Variants in DNAH6 observed in about 807,000 individuals in gnomAD.
DNAH6 encodes the protein dynein axonemal heavy chain 6, also known as axonemal beta dynein heavy chain 6.
A neutral mutation model predicts 491.4 loss-of-function variants in DNAH6; 340 were observed. The ratio of observed to expected loss-of-function variants is 0.69; its 90% CI spans 0.63 to 0.76. The LOEUF (loss-of-function observed/expected upper bound fraction) is 0.76, where lower values mean the gene tolerates loss of function less well. Ranked by LOEUF, DNAH6 falls within the 30% of genes least tolerant of loss-of-function variation. The pLI is 0.00. For synonymous variants in DNAH6, 1,603 were observed against 1,686.1 expected, an observed-to-expected ratio of 0.95 and a Z score of 1.21; for missense variants, 4,443 against 4,972.2, an observed-to-expected ratio of 0.89 and a Z score of 3.20.
intron 4 of DNAH6, among the ~76,000 whole-genome samples, chr2:84,538,484 C>G (rs1159381): frequency 2.6e-4 from 40 of 152,216 alleles, no homozygotes; most frequent in African/African-American, 7.9e-4. Flanking sequence ...TATGGCGGAG[C>G]CTTCCCCCAA....
the DNAH6 span, among the ~76,000 whole-genome samples, chr2:84,468,183 G>T: frequency 2.6e-5 from 4 of 152,198 alleles, no homozygotes; most frequent in Non-Finnish European, 4.4e-5. Flanking sequence ...CAAAATATTT[G>T]ATTTAAGTGC....
intron 68 of DNAH6, among the ~76,000 whole-genome samples, chr2:84,790,907 C>G (rs1559044834): frequency 2.0e-5 from 3 of 152,130 alleles, no homozygotes; most frequent in Admixed American, 1.3e-4. Context: ...AACTTGTACA[C>G]AAGGCCGGGC....
At chr2:84,801,583 TAAAGA>T (rs1180007328) in intron 70 of DNAH6, among the ~76,000 whole-genome samples, 1 of 152,072 alleles carries the variant, frequency 6.6e-6, no homozygotes, top group East Asian at 1.9e-4. Context: ...TTAGCATTCT[TAAAGA>T]AAAGAAATTC....
intron 70 of DNAH6, among the ~76,000 whole-genome samples, chr2:84,804,121 G>A (rs972480289): frequency 3.3e-5 from 5 of 150,282 alleles, no homozygotes; most frequent in South Asian, 2.1e-4. Flanking sequence ...CAGAAGAATC[G>A]CTTGAGCCTG....
chr2:84,481,024 A>C, the DNAH6 span, among the ~76,000 whole-genome samples: 1,684 of 152,190 alleles, frequency 0.011, 29 homozygotes, highest in African/African-American at 0.039. Context: ...GCATCCTCAC[A>C]GTTCCATCCA....
Position 84,577,313 on chromosome 2 carries a change from G to A in DNAH6, c.1981G>A (p.Val661Ile), listed in dbSNP as rs1419765179. The change falls in exon 13 of 77, where the codon GTA becomes ATA. Residue 661 changes from valine (V) to isoleucine (I), a missense_variant. This residue lies in a region of DNAH6 where 2,977 missense variants were observed against 3,296.6 expected (regional missense o/e 0.90). Coordinates refer to ENST00000389394, the MANE Select transcript of DNAH6 (RefSeq NM_001370.2). ...EKYHKQHKDA[V>I]ALRPTRNVGL... The stretch of plus-strand genomic sequence containing the variant: ...ATATCACAAACAGCACAAGGACGCA[G>A]TAGCGCTCAGACCCACCAGAAATGT... 28 of 1,609,342 alleles carry A rather than the reference G, an allele frequency of 1.7e-5. No individual in the cohort carries two copies. The highest frequency in any genetic ancestry group is 2.3e-5 in the Non-Finnish European group (27 of 1,178,186).
chr2:84,686,357 TCA>T, intron 43 of DNAH6, 125 bp from the exon 44 acceptor site: 2 of 594,836 alleles, frequency 3.4e-6, no homozygotes, highest in Non-Finnish European at 3.0e-6. Flanking sequence ...CAGTATTCTC[TCA>T]GTTTTTATGT....
At chr2:84,672,256 A>T (rs1573436567) in intron 39 of DNAH6, 71 bp from the exon 40 acceptor site, 1 of 1,460,732 alleles carries the variant, frequency 6.8e-7, no homozygotes, top group East Asian at 2.5e-5. Flanking sequence ...CCAAAGTCAT[A>T]CCCTAGCTTT....
rs1477921688 is a variant in DNAH6, at chr2:84,672,423, G to A, written c.6551G>A (p.Arg2184Gln). ...YGSQPPIELL[R>Q]QYQDFGGFYD... Reference sequence around the variant, plus strand: ...TCTCAGCCTCCGATTGAATTACTTCGGCAGTATCAAGATTTTGGGGGATTT... The same window carrying A: ...TCTCAGCCTCCGATTGAATTACTTCAGCAGTATCAAGATTTTGGGGGATTT... The change falls in exon 40 of 77, where the codon CGG becomes CAG. Residue 2184 changes from arginine (R) to glutamine (Q), a missense_variant. By Grantham distance (43) the Arg-to-Gln change is conservative. Around this residue, in one of 3 missense-constraint regions of DNAH6, gnomAD observed 2,977 missense variants for 3,296.6 expected, o/e 0.90. Transcript: ENST00000389394. The A allele has an allele frequency of 2.3e-5, 35 of 1,551,330 alleles. No homozygotes were observed. Among genetic ancestry groups the A allele is most frequent in the Middle Eastern group, 1.7e-4 (1 of 6,014 alleles).
intron 33 of DNAH6, among the ~76,000 whole-genome samples, chr2:84,652,610 A>G (rs537545928): frequency 1.0e-3 from 152 of 152,096 alleles, no homozygotes; most frequent in African/African-American, 3.6e-3. Flanking sequence ...CCTTTCTTAG[A>G]AAGACCGCCT....
chr2:84,606,856 G>A (rs993721541), intron 20 of DNAH6, 120 bp from the exon 21 acceptor site: 3 of 1,012,604 alleles, frequency 3.0e-6, no homozygotes, highest in Admixed American at 2.3e-5. Flanking sequence ...CAGTAAGAGG[G>A]GCTAAGCTAT....
intron 20 of DNAH6, among the ~76,000 whole-genome samples, chr2:84,605,868 G>A (rs1573194597): frequency 6.6e-6 from 1 of 152,246 alleles, no homozygotes. Context: ...AGTTACAGCT[G>A]AAGTGATCAG....
Position 84,733,560 on chromosome 2 carries a change from T to C in DNAH6, c.10323T>C (p.His3441=). ...FHGLTQNILS[H]PISIRLGSFE... ...GACTTACCCAAAATATATTGTCACA[T>C]CCTATTTCCATACGCTTAGGTAATG... The change falls in exon 62 of 77, where the codon CAT becomes CAC. Residue 3441 remains histidine, a synonymous_variant. Transcript: ENST00000389394. 6.4e-7 allele frequency: 1 copy of C among 1,551,662 alleles called. No individual in the cohort carries two copies. Among genetic ancestry groups the C allele is most frequent in the South Asian group, 1.2e-5 (1 of 84,052 alleles).
chr2:84,712,043 G>A (rs1697094497), intron 56 of DNAH6, among the ~76,000 whole-genome samples: 1 of 152,200 alleles, frequency 6.6e-6, no homozygotes, highest in African/African-American at 2.4e-5. Flanking sequence ...CAGGGCCCCA[G>A]CCAGGAACAG....
the DNAH6 span, among the ~76,000 whole-genome samples, chr2:84,485,622 T>G: frequency 6.6e-6 from 1 of 152,094 alleles, no homozygotes; most frequent in East Asian, 1.9e-4. Context: ...GTAAACATCC[T>G]TTCTGCTCGA....
intron 63 of DNAH6, among the ~76,000 whole-genome samples, chr2:84,760,163 A>G (rs1268817237): frequency 7.9e-5 from 12 of 152,152 alleles, no homozygotes; most frequent in Non-Finnish European, 1.5e-5. Context: ...ACAAAAACCA[A>G]CTAAAGATGA....
Position 84,573,382 on chromosome 2 carries a change from G to T in DNAH6, c.1804-85G>T, listed in dbSNP as rs1682088415. ...TATTGGGCATAGAGTTTGTGTGCTT[G>T]CTTGTTTCTTTGTTTAGTTGTATTG... On this transcript the variant is annotated intron_variant, in intron 11 of 76. Transcript: ENST00000389394. 1.0e-5 allele frequency: 12 copies of T among 1,161,498 alleles called. 1 individual carries two copies. Among genetic ancestry groups the T allele is most frequent in the Non-Finnish European group, 1.5e-5 (12 of 820,284 alleles). 71.9% of individuals were successfully genotyped at this position (1,161,498 alleles called of 1,614,324 possible). A position where few individuals can be genotyped will look rare whatever the true frequency, so the allele number is the denominator to read the frequency against.
At chr2:84,574,014 C>G (rs747043893) in intron 12 of DNAH6, among the ~76,000 whole-genome samples, 3 of 152,154 alleles carry the variant, frequency 2.0e-5, no homozygotes, top group Non-Finnish European at 4.4e-5. Flanking sequence ...ATCAACAACT[C>G]TTAGTCATGA....
chr2:84,718,513 ACGGGTGC>A (rs759506918), intron 59 of DNAH6, 129 bp downstream of exon 59: 27 of 661,282 alleles, frequency 4.1e-5, no homozygotes, highest in Non-Finnish European at 5.7e-5. Context: ...GGACACACAG[ACGGGTGC>A]CTGCCTGTCA....
Sources: allele counts gnomAD v4.1 joint callset (sites outside exome capture counted in the v4.1 genomes callset), GRCh38; gene constraint gnomAD v4.1.1; regional missense constraint gnomAD v4.1.1; transcripts MANE v1.5; gene names NCBI Gene and HGNC (gene_info 2026-07-23, HGNC 2026-07-21).